SMIM14: variants seen among roughly 807,000 people sequenced by gnomAD.
The protein encoded by SMIM14 is chromosome 4 open reading frame 34.
Under a neutral mutation model 12.6 loss-of-function variants are expected in SMIM14, and 5 were observed. The observed-to-expected ratio is 0.40, with a 90% CI of 0.21 to 0.83. The LOEUF (loss-of-function observed/expected upper bound fraction) is 0.83, where lower values mean the gene tolerates loss of function less well. SMIM14 is among the 40% of genes least tolerant of loss of function. The pLI is 0.37. For missense variants in SMIM14, 86 were observed against 119.1 expected (o/e 0.72, Z 1.29); for synonymous variants, 30 against 40.1 (o/e 0.75, Z 0.95).
chr4:39,620,713 C>T (rs1229976806), intron 1 of SMIM14, among the ~76,000 whole-genome samples: 2 of 152,132 alleles, frequency 1.3e-5, no homozygotes, highest in Non-Finnish European at 2.9e-5. Context: ...TTTACTATTA[C>T]TGTTTCTACA....
intron 1 of SMIM14, among the ~76,000 whole-genome samples, chr4:39,605,736 T>TTGC (rs1337046601): frequency 2.6e-5 from 4 of 152,134 alleles, no homozygotes; most frequent in Non-Finnish European, 4.4e-5. Context: ...CAATTGTTTT[T>TTGC]TGCTGTTGTT....
At chr4:39,598,642 C>A (rs1714472950) in intron 2 of SMIM14, among the ~76,000 whole-genome samples, 1 of 152,144 alleles carries the variant, frequency 6.6e-6, no homozygotes, top group East Asian at 1.9e-4. Context: ...ACAGTTGAGC[C>A]ACACAGTAAA....
chr4:39,573,158 C>G (rs1578322785), intron 2 of SMIM14, among the ~76,000 whole-genome samples: 1 of 151,614 alleles, frequency 6.6e-6, no homozygotes, highest in South Asian at 2.1e-4. Flanking sequence ...TGCAATGATG[C>G]GATCTCAGCT....
chr4:39,572,611 C>T lies in SMIM14; in HGVS notation c.76-148G>A, dbSNP rs574777805. The T allele has an allele frequency of 6.2e-6, 4 of 646,788 alleles. No homozygotes were observed. The East Asian group carries it at 1.2e-4, about 20-fold the overall frequency. The allele number at this position is 646,788 out of a possible 1,614,324, so 40.1% of individuals were successfully genotyped here. A position where few individuals can be genotyped will look rare whatever the true frequency, so the allele number is the denominator to read the frequency against. On this transcript the variant is annotated intron_variant, in intron 2 of 4. Transcript: ENST00000295958. ...CTGAGGTGGGTGGATTGTTTGAGCT[C>T]AGACATTCAAGACCAGCCTGGGTAA...
rs1437283476 is a variant in SMIM14, at chr4:39,547,130, A to G, written c.*4996T>C. On this transcript the variant is annotated 3_prime_UTR_variant, in exon 5 of 5. Transcript: ENST00000295958. The stretch of plus-strand genomic sequence containing the variant: ...CTTCTGAATACTGGCCCCATACTGC[A>G]TATTTTATGAATATTTTTCTCACAA... 6.6e-6 allele frequency: 1 copy of G among 152,236 alleles called. No homozygotes were observed. The highest frequency in any genetic ancestry group is 2.4e-5 in the African/African-American group (1 of 41,470). The allele number at this position is 152,236 out of a possible 1,614,324, so 9.4% of individuals were successfully genotyped here.
chr4:39,629,182 G>A (rs1038181516), intron 1 of SMIM14, among the ~76,000 whole-genome samples: 2 of 151,532 alleles, frequency 1.3e-5, no homozygotes, highest in Non-Finnish European at 2.9e-5. Flanking sequence ...CTAACATGGT[G>A]GAAACCCATA....
intron 2 of SMIM14, among the ~76,000 whole-genome samples, chr4:39,577,645 C>A (rs550896874): frequency 6.6e-6 from 1 of 152,240 alleles, no homozygotes; most frequent in East Asian, 1.9e-4. Flanking sequence ...CCAGGCTGGT[C>A]TTGAACTCGT....
intron 1 of SMIM14, chr4:39,612,170 A>G (rs1715059807): frequency 6.6e-6 from 1 of 152,084 alleles, no homozygotes; most frequent in Non-Finnish European, 1.5e-5. Context: ...TACATATGCA[A>G]CACAGAAAAC....
intron 1 of SMIM14, among the ~76,000 whole-genome samples, chr4:39,609,725 C>T (rs1291229893): frequency 6.6e-6 from 1 of 152,158 alleles, no homozygotes; most frequent in Non-Finnish European, 1.5e-5. Context: ...CAATGTGAAG[C>T]AATGTGCTTT....
intron 2 of SMIM14, chr4:39,592,858 A>G (rs1196227087): frequency 6.6e-6 from 1 of 152,228 alleles, no homozygotes; most frequent in East Asian, 1.9e-4. Flanking sequence ...ACCAGGAAGA[A>G]GTTGACTCTC....
intron 1 of SMIM14, among the ~76,000 whole-genome samples, chr4:39,636,969 G>A (rs1716119207): frequency 6.6e-6 from 1 of 152,152 alleles, no homozygotes; most frequent in Admixed American, 6.5e-5. Context: ...GTGAAACCAC[G>A]GATAAGGGGG....
Position 39,638,751 on chromosome 4 carries a change from C to T in SMIM14, c.-48G>A. The T allele has an allele frequency of 3.0e-6, 3 of 985,494 alleles. No individual in the cohort carries two copies. The highest frequency in any genetic ancestry group is 3.6e-6 in the Non-Finnish European group (3 of 829,996). The allele number at this position is 985,494 out of a possible 1,614,324, so 61.0% of individuals were successfully genotyped here. ...GGGAGACACTCACCCGCCCAGACAA[C>T]AACCGATGGGGCGGGGAGGATGGGG... On this transcript the variant is annotated 5_prime_UTR_variant, in exon 1 of 5. Transcript: ENST00000295958.
intron 1 of SMIM14, among the ~76,000 whole-genome samples, chr4:39,611,725 A>T (rs1415184755): frequency 6.6e-6 from 1 of 152,172 alleles, no homozygotes; most frequent in African/African-American, 2.4e-5. Context: ...AGTATGCAAA[A>T]TTTCTGTACA....
intron 1 of SMIM14, among the ~76,000 whole-genome samples, chr4:39,611,596 C>A (rs1715037251): frequency 6.6e-6 from 1 of 151,540 alleles, no homozygotes; most frequent in Non-Finnish European, 1.5e-5. Flanking sequence ...ATCGCTTGAA[C>A]CCAGGAGGTG....
rs191954007 is a variant in SMIM14 at position 39,576,873 on chromosome 4, G to A, written c.76-4410C>T. On this transcript the variant is annotated intron_variant, in intron 2 of 4. Transcript: ENST00000295958. ...ATTACAGGCGCCTGCCATCACGCCCGGCTAATTTTGTATTTTCAGTAGAGA... is the reference window on the plus strand; with the variant it reads ...ATTACAGGCGCCTGCCATCACGCCCAGCTAATTTTGTATTTTCAGTAGAGA... 5.0e-3 allele frequency among the ~76,000 whole-genome samples: 748 copies of A among 149,584 alleles called. 10 individuals carry two copies. The highest frequency in any genetic ancestry group is 0.017 in the African/African-American group (682 of 40,870).
At chr4:39,586,564 C>T (rs779190464) in intron 2 of SMIM14, among the ~76,000 whole-genome samples, 19 of 152,004 alleles carry the variant, frequency 1.2e-4, no homozygotes, top group Non-Finnish European at 2.4e-4. Flanking sequence ...CTTGCTCTAC[C>T]ATTCTCCTCT....
chr4:39,619,871 T>TAA (rs1715409877), intron 1 of SMIM14, among the ~76,000 whole-genome samples: 2 of 83,254 alleles, frequency 2.4e-5, no homozygotes, highest in Non-Finnish European at 2.4e-5. Flanking sequence ...TATATATATA[T>TAA]ATATATTTTT....
chr4:39,616,780 T>C (rs1715243078), intron 1 of SMIM14, among the ~76,000 whole-genome samples: 1 of 152,140 alleles, frequency 6.6e-6, no homozygotes, highest in Non-Finnish European at 1.5e-5. Flanking sequence ...CTCTCTACTC[T>C]TTTTGCCAAT....
intron 1 of SMIM14, among the ~76,000 whole-genome samples, chr4:39,621,681 C>T (rs1006179303): frequency 7.5e-6 from 1 of 133,172 alleles, no homozygotes; most frequent in Non-Finnish European, 1.5e-5. Context: ...TACAGCCAAA[C>T]GTTTCTTTTT....
Sources: allele counts gnomAD v4.1 joint callset (sites outside exome capture counted in the v4.1 genomes callset), GRCh38; gene constraint gnomAD v4.1.1; transcripts MANE v1.5; gene names NCBI Gene and HGNC (gene_info 2026-07-23, HGNC 2026-07-21).